DENND1B: variants seen among roughly 807,000 people sequenced by gnomAD.
DENND1B encodes DENN domain-containing protein 1B.
Under a neutral mutation model 90.1 loss-of-function variants are expected in DENND1B, and 59 were observed. That is an observed-to-expected ratio of 0.65 (90% CI 0.53 to 0.81). The LOEUF (loss-of-function observed/expected upper bound fraction) is 0.81. Ranked by LOEUF, DENND1B falls within the 40% of genes least tolerant of loss-of-function variation. The pLI, the probability that DENND1B is intolerant of heterozygous loss-of-function variation, is 0.00. For synonymous variants in DENND1B, 337 were observed against 324.6 expected (o/e 1.04, Z -0.41); for missense variants, 862 against 912.6 (o/e 0.94, Z 0.71).
chr1:197,530,037 G>A (rs560557813), intron 20 of DENND1B, among the ~76,000 whole-genome samples: 24 of 152,250 alleles, frequency 1.6e-4, no homozygotes, highest in Admixed American at 1.2e-3. Context: ...AGATCTTCAT[G>A]GCTGTACCCT....
chr1:197,605,966 A>C (rs139917457), intron 13 of DENND1B: 1 of 151,296 alleles, frequency 6.6e-6, no homozygotes, highest in Non-Finnish European at 1.5e-5. Context: ...CAAACTCCTT[A>C]ATAATGGATT....
chr1:197,551,499 A>T (rs1671238379), intron 16 of DENND1B, among the ~76,000 whole-genome samples: 1 of 152,046 alleles, frequency 6.6e-6, no homozygotes. Flanking sequence ...ATATTCTCCT[A>T]ATCTTTTTTA....
At position 197,614,070 on chromosome 1, in the gene DENND1B, G is replaced by A. The variant is rs181162071; in HGVS notation, c.774-2094C>T. Among the ~76,000 whole-genome samples the A allele has an allele frequency of 2.2e-4, 31 of 142,732 alleles. No homozygotes were observed. In the East Asian group the frequency reaches 5.3e-3, roughly 24 times the overall value. The allele number at this position is 142,732 out of a possible 152,430, so 93.6% of individuals were successfully genotyped here. On this transcript the variant is annotated intron_variant, in intron 11 of 22. Transcript: ENST00000620048. ...TTTTGAGACGGAGTCTCGCTCTTTC[G>A]CCCAGGCAAAAACATTTTAAACTTT... is the stretch of plus-strand genomic sequence containing the variant.
chr1:197,677,435 AC>A (rs1462535143), intron 3 of DENND1B, among the ~76,000 whole-genome samples: 1 of 152,120 alleles, frequency 6.6e-6, no homozygotes, highest in Non-Finnish European at 1.5e-5. Context: ...TATCACCTAA[AC>A]TGGCAGCACC....
chr1:197,748,925 C>A (rs1486322194), intron 2 of DENND1B, among the ~76,000 whole-genome samples: 1 of 151,932 alleles, frequency 6.6e-6, no homozygotes, highest in Non-Finnish European at 1.5e-5. Context: ...AGATAGAGAT[C>A]CTCAGTAGAA....
chr1:197,666,891 C>T (rs2125974773), intron 5 of DENND1B, among the ~76,000 whole-genome samples: 1 of 152,286 alleles, frequency 6.6e-6, no homozygotes, highest in Admixed American at 6.5e-5. Flanking sequence ...GGGGCAGTGG[C>T]TCACGCCTGT....
chr1:197,537,412 G>GT (rs1224853556), intron 20 of DENND1B, among the ~76,000 whole-genome samples: 1 of 152,042 alleles, frequency 6.6e-6, no homozygotes, highest in Non-Finnish European at 1.5e-5. Context: ...AAGACTTAGT[G>GT]TAAGTATACA....
At chr1:197,529,292 GTATA>G (rs1669440471) in intron 20 of DENND1B, among the ~76,000 whole-genome samples, 1 of 139,540 alleles carries the variant, frequency 7.2e-6, no homozygotes, top group Non-Finnish European at 1.5e-5. Flanking sequence ...GTATATATAT[GTATA>G]TATGTGTATA....
At chr1:197,695,389 G>A (rs1181011487) in intron 3 of DENND1B, among the ~76,000 whole-genome samples, 1 of 150,730 alleles carries the variant, frequency 6.6e-6, no homozygotes. Flanking sequence ...TAGCATTACT[G>A]AAATATATAA....
intron 2 of DENND1B, among the ~76,000 whole-genome samples, chr1:197,750,897 G>C (rs1225145105): frequency 6.6e-6 from 1 of 152,218 alleles, no homozygotes; most frequent in South Asian, 2.1e-4. Flanking sequence ...AGACATAATA[G>C]TTGTAAATGT....
chr1:197,537,833 A>T (rs1216469131), intron 20 of DENND1B, among the ~76,000 whole-genome samples: 3 of 152,050 alleles, frequency 2.0e-5, no homozygotes, highest in Non-Finnish European at 4.4e-5. Context: ...CATGGTGAAT[A>T]TAATTAATAA....
rs919040603 is a variant in DENND1B at position 197,546,584 on chromosome 1, C to T, written c.1281+149G>A. The T allele has an allele frequency of 6.8e-6, 5 of 737,072 alleles. No individual in the cohort carries two copies. The African/African-American group carries it at 9.4e-5, about 14-fold the overall frequency. The allele number at this position is 737,072 out of a possible 1,614,324, so 45.7% of individuals were successfully genotyped here. Reference sequence around the variant, plus strand: ...TTAATGAGTATCAACAAACTATAAACGTAAAATAAGAATATTTAAAATGTG... The same window carrying T: ...TTAATGAGTATCAACAAACTATAAATGTAAAATAAGAATATTTAAAATGTG... On this transcript the variant is annotated intron_variant, in intron 17 of 22. Coordinates refer to ENST00000620048, the MANE Select transcript of DENND1B (RefSeq NM_001195215.2).
intron 16 of DENND1B, among the ~76,000 whole-genome samples, chr1:197,548,825 G>T (rs114268841): frequency 1.3e-5 from 2 of 152,144 alleles, no homozygotes; most frequent in Admixed American, 1.3e-4. Context: ...GAGAATTACC[G>T]GTAATAATCT....
intron 15 of DENND1B, among the ~76,000 whole-genome samples, chr1:197,554,100 T>TACACACAC (rs4026509): frequency 2.4e-4 from 33 of 140,076 alleles, no homozygotes; most frequent in East Asian, 6.4e-4. Context: ...TCAATGATTA[T>TACACACAC]ACACACACAC....
At chr1:197,538,996 C>A (rs936646443) in intron 20 of DENND1B, among the ~76,000 whole-genome samples, 4 of 152,020 alleles carry the variant, frequency 2.6e-5, no homozygotes, top group African/African-American at 7.3e-5. Context: ...TCCAGCCTCC[C>A]GAACTGTGAG....
chr1:197,539,174 T>G (rs1026642883), intron 20 of DENND1B, among the ~76,000 whole-genome samples: 1 of 152,178 alleles, frequency 6.6e-6, no homozygotes, highest in Admixed American at 6.5e-5. Flanking sequence ...GCTTTTCGCC[T>G]CCTTCTGCCA....
chr1:197,541,323 A>G (rs1670320777), intron 18 of DENND1B, among the ~76,000 whole-genome samples: 1 of 152,214 alleles, frequency 6.6e-6, no homozygotes, highest in Non-Finnish European at 1.5e-5. Flanking sequence ...ACAATGTTAA[A>G]ACTGTAACAA....
chr1:197,656,737 A>G (rs1653869606), intron 6 of DENND1B, among the ~76,000 whole-genome samples: 1 of 152,034 alleles, frequency 6.6e-6, no homozygotes, highest in African/African-American at 2.4e-5. Flanking sequence ...TAGGAGGCTG[A>G]GGCTGCAGTG....
intron 15 of DENND1B, 89 bp downstream of exon 15, chr1:197,583,063 C>A (rs575722647): frequency 8.3e-7 from 1 of 1,210,478 alleles, no homozygotes; most frequent in South Asian, 1.4e-5. Context: ...AGATGCTACT[C>A]AGGGTTTGTA....
Sources: gnomAD v4.1 joint callset for allele counts (sites outside exome capture counted in the v4.1 genomes callset) on GRCh38, gnomAD v4.1.1 for gene constraint, MANE v1.5 for transcripts, NCBI Gene and HGNC (gene_info 2026-07-23, HGNC 2026-07-21) for gene names.